Variants in ADARB1 observed in about 807,000 individuals in gnomAD.
The protein encoded by ADARB1 is double-stranded RNA-specific editase 1.
A neutral mutation model predicts 52.4 loss-of-function variants in ADARB1; 10 were observed. The observed-to-expected ratio is 0.19, with a 90% confidence interval of 0.12 to 0.32. ADARB1 has a LOEUF of 0.32. Ranked by LOEUF, ADARB1 falls within the 10% of genes least tolerant of loss-of-function variation. ADARB1 has a pLI of 1.00. For synonymous variants in ADARB1, 349 were observed against 371.1 expected (o/e 0.94, Z 0.68); for missense variants, 643 against 922.3 (o/e 0.70, Z 3.92).
chr21:45,113,623 G>A (rs1472732716), intron 1 of ADARB1, among the ~76,000 whole-genome samples: 4 of 151,756 alleles, frequency 2.6e-5, no homozygotes, highest in Non-Finnish European at 4.4e-5. Context: ...TCTGTACAGC[G>A]TCACCTGTTA....
rs542354567 is a variant in ADARB1, at chr21:45,221,515, A to G, written c.1926+501A>G. 6.6e-5 allele frequency among the ~76,000 whole-genome samples: 10 copies of G among 152,308 alleles called. No individual in the cohort carries two copies. Among genetic ancestry groups the G allele is most frequent in the African/African-American group, 2.4e-4 (10 of 41,556 alleles). On this transcript the variant is annotated intron_variant, in intron 10 of 10. Transcript: ENST00000348831. The surrounding 1 kb of genome is among the most constrained non-coding windows in gnomAD (Gnocchi z 4.9). ...TCAGTCAAGTAGATGGCATCTGTTT[A>G]TTCTGAGACCAGCATTGTGCACTGG...
intron 2 of ADARB1, chr21:45,137,410 G>C (rs1478301674): frequency 6.6e-6 from 1 of 152,408 alleles, no homozygotes; most frequent in African/African-American, 2.4e-5. Context: ...CCATGCTGGT[G>C]GTGGGGATGG....
intron 2 of ADARB1, among the ~76,000 whole-genome samples, chr21:45,133,902 GGGTGTGTGCCCGACAGT>G (rs1337443047): frequency 2.7e-4 from 34 of 124,266 alleles, no homozygotes; most frequent in South Asian, 5.6e-4. Context: ...CGCCCGACGG[GGGTGTGTGCCCGACAGT>G]GGTGTGTGCG....
chr21:45,127,004 G>A (rs1448811187), intron 1 of ADARB1, among the ~76,000 whole-genome samples: 4 of 152,164 alleles, frequency 2.6e-5, no homozygotes, highest in South Asian at 4.1e-4. Context: ...CTGTTTAGGC[G>A]GTGGACTTTT....
At chr21:45,196,400 A>T (rs1004326017) in intron 8 of ADARB1, among the ~76,000 whole-genome samples, 1 of 152,234 alleles carries the variant, frequency 6.6e-6, no homozygotes, top group African/African-American at 2.4e-5. Flanking sequence ...ACCTAAATGC[A>T]TAAAAATTCT....
chr21:45,223,359 G>A lies in ADARB1; in HGVS notation c.*1162G>A, dbSNP rs2092997822. 1.0e-6 allele frequency: 1 copy of A among 985,458 alleles called. No individual in the cohort carries two copies. Among genetic ancestry groups the A allele is most frequent in the African/African-American group, 1.7e-5 (1 of 57,234 alleles). The allele number at this position is 985,458 out of a possible 1,614,324, so 61.0% of individuals were successfully genotyped here. A position where few individuals can be genotyped will look rare whatever the true frequency, so the allele number is the denominator to read the frequency against. On this transcript the variant is annotated 3_prime_UTR_variant, in exon 11 of 11. Coordinates refer to ENST00000348831, the MANE Select transcript of ADARB1 (RefSeq NM_001112.4). ...ACAGTCCTGACGGGAGCTCAGGGCTGCCCAGCGCCCAGCGTGCACGGGACG... is the reference window on the plus strand; with the variant it reads ...ACAGTCCTGACGGGAGCTCAGGGCTACCCAGCGCCCAGCGTGCACGGGACG...
In ADARB1 at chr21:45,200,349, A is replaced by G. The variant is rs1601930196; in HGVS notation, c.1566-4206A>G. Among the ~76,000 whole-genome samples the G allele has an allele frequency of 1.3e-5, 2 of 152,264 alleles. No homozygotes were observed. The highest frequency in any genetic ancestry group is 2.1e-4 in the South Asian group (1 of 4,828). On this transcript the variant is annotated intron_variant, in intron 8 of 10. Coordinates refer to ENST00000348831, the MANE Select transcript of ADARB1 (RefSeq NM_001112.4). The surrounding 1 kb of genome is among the most constrained non-coding windows in gnomAD (Gnocchi z 5.0). ...CAAGACCATGGGGTGAGAGGCTCCCATGGGGTTGGCCACCCCACGGTGATT... is the reference window on the plus strand; with the variant it reads ...CAAGACCATGGGGTGAGAGGCTCCCGTGGGGTTGGCCACCCCACGGTGATT...
chr21:45,138,895 G>A (rs776109314), intron 2 of ADARB1, among the ~76,000 whole-genome samples: 25 of 151,056 alleles, frequency 1.7e-4, no homozygotes, highest in Non-Finnish European at 3.4e-4. Flanking sequence ...GTGTCAGTTT[G>A]TCTGACCTCT....
At chr21:45,151,726 C>T (rs2090300709) in intron 2 of ADARB1, among the ~76,000 whole-genome samples, 1 of 152,162 alleles carries the variant, frequency 6.6e-6, no homozygotes, top group African/African-American at 2.4e-5. Flanking sequence ...ATGCTGGATC[C>T]CGAGTGGCAG....
chr21:45,211,948 T>G (rs1045072048), intron 9 of ADARB1, among the ~76,000 whole-genome samples: 15 of 152,260 alleles, frequency 9.9e-5, no homozygotes, highest in African/African-American at 3.6e-4. Flanking sequence ...TGGTTAGTAT[T>G]GGAAGCTCGG....
At chr21:45,136,385 A>G (rs946323048) in intron 2 of ADARB1, among the ~76,000 whole-genome samples, 2 of 152,232 alleles carry the variant, frequency 1.3e-5, no homozygotes, top group African/African-American at 2.4e-5. Flanking sequence ...CTGAGATGAC[A>G]GGGAAGAACT....
At chr21:45,101,433 CA>C (rs1272413846) in intron 1 of ADARB1, among the ~76,000 whole-genome samples, 3 of 152,228 alleles carry the variant, frequency 2.0e-5, no homozygotes, top group African/African-American at 7.2e-5. Context: ...TCTTTCGCGG[CA>C]CGTGGGAAAA....
chr21:45,146,616 T>C (rs3746976), intron 2 of ADARB1, among the ~76,000 whole-genome samples: 9,907 of 152,300 alleles, frequency 0.065, 391 homozygotes, highest in East Asian at 0.15. Context: ...CTCAGCTTCC[T>C]GTAGAAATCA....
intron 2 of ADARB1, among the ~76,000 whole-genome samples, chr21:45,140,920 G>T (rs554534131): frequency 6.6e-6 from 1 of 152,164 alleles, no homozygotes; most frequent in Non-Finnish European, 1.5e-5. Flanking sequence ...GCCAGGTGTG[G>T]TGCTCAAGCC....
chr21:45,085,987 T>C (rs1568993799), intron 1 of ADARB1, among the ~76,000 whole-genome samples: 1 of 152,236 alleles, frequency 6.6e-6, no homozygotes, highest in Non-Finnish European at 1.5e-5. Flanking sequence ...TAGTTCTGTT[T>C]ATTGCTGGAA....
At chr21:45,085,777 C>G (rs1055961916) in intron 1 of ADARB1, among the ~76,000 whole-genome samples, 7 of 152,192 alleles carry the variant, frequency 4.6e-5, no homozygotes, top group Admixed American at 1.3e-4. Flanking sequence ...TTTTATCCCT[C>G]TAATGAAACT....
chr21:45,192,069 G>T (rs763080209), intron 8 of ADARB1, among the ~76,000 whole-genome samples: 31 of 151,728 alleles, frequency 2.0e-4, no homozygotes, highest in Admixed American at 5.9e-4. Context: ...GAATTTGAAG[G>T]TTTGAGGCTT....
intron 2 of ADARB1, among the ~76,000 whole-genome samples, chr21:45,167,357 T>G (rs1407815169): frequency 6.6e-6 from 1 of 152,220 alleles, no homozygotes; most frequent in Non-Finnish European, 1.5e-5. Context: ...GTCCCAGAAA[T>G]CTGAGAGAAG....
At chr21:45,158,247 AG>A (rs1270055556) in intron 2 of ADARB1, among the ~76,000 whole-genome samples, 2 of 146,634 alleles carry the variant, frequency 1.4e-5, no homozygotes, top group Non-Finnish European at 3.0e-5. Context: ...TTGGGGCGGG[AG>A]GGGGGAACTC....
Sources: allele counts gnomAD v4.1 joint callset (sites outside exome capture counted in the v4.1 genomes callset), GRCh38; gene constraint gnomAD v4.1.1; non-coding constraint Gnocchi (gnomAD v3.1); transcripts MANE v1.5; gene names NCBI Gene and HGNC (gene_info 2026-07-23, HGNC 2026-07-21).